TTC28: variants seen among roughly 807,000 people sequenced by gnomAD.
The protein encoded by TTC28 is tetratricopeptide repeat protein 28.
A neutral mutation model predicts 198.0 loss-of-function variants in TTC28; 61 were observed. The observed-to-expected ratio is 0.31, with a 90% confidence interval of 0.25 to 0.38. The LOEUF is 0.38. Ranked by LOEUF, TTC28 falls within the 10% of genes least tolerant of loss-of-function variation. The pLI, the probability that TTC28 is intolerant of heterozygous loss-of-function variation, is 1.00. For synonymous variants in TTC28, 1,171 were observed against 1,297.8 expected, an observed-to-expected ratio of 0.90 and a Z score of 2.10; for missense variants, 2,678 against 3,164.0, an observed-to-expected ratio of 0.85 and a Z score of 3.69.
In TTC28 at chr22:28,629,682, G is replaced by A. The variant is rs780802842; in HGVS notation, c.251C>T (p.Ala84Val). The A allele has an allele frequency of 2.6e-5, 40 of 1,551,476 alleles. No homozygotes were observed. The highest frequency in any genetic ancestry group is 3.3e-5 in the Non-Finnish European group (38 of 1,146,980). The change falls in exon 2 of 23, where the codon GCC (alanine) becomes GTC (valine). Residue 84 changes from alanine (A) to valine (V), a missense_variant. Transcript: ENST00000397906. ...FHTAIVLYNE[A>V]LAVDPQNCIL... Reference sequence around the variant, plus strand: ...GCAGTTCTGAGGGTCAACAGCCAGGGCTTCATTATACAGAACAATAGCTGT... The same window carrying A: ...GCAGTTCTGAGGGTCAACAGCCAGGACTTCATTATACAGAACAATAGCTGT...
At chr22:28,229,170 C>A (rs1928607481) in intron 5 of TTC28, among the ~76,000 whole-genome samples, 1 of 151,926 alleles carries the variant, frequency 6.6e-6, no homozygotes, top group South Asian at 2.1e-4. Context: ...AACAAACAAA[C>A]AAAAAAACTA....
At chr22:28,511,095 T>C (rs1441225238) in intron 2 of TTC28, among the ~76,000 whole-genome samples, 2 of 152,176 alleles carry the variant, frequency 1.3e-5, no homozygotes, top group Non-Finnish European at 2.9e-5. Flanking sequence ...AAGTAATTTA[T>C]AGATTCAATG....
intron 2 of TTC28, among the ~76,000 whole-genome samples, chr22:28,580,486 C>T (rs1405666616): frequency 1.3e-5 from 2 of 152,186 alleles, no homozygotes; most frequent in Non-Finnish European, 2.9e-5. Flanking sequence ...GATCCACCTG[C>T]CTTGGCCTCC....
intron 2 of TTC28, among the ~76,000 whole-genome samples, chr22:28,390,052 T>C (rs79713675): frequency 0.55 from 82,563 of 149,018 alleles, 23,735 homozygotes; most frequent in African/African-American, 0.69. Flanking sequence ...GTCTTTGTTC[T>C]CGTTGGTTTC....
intron 2 of TTC28, among the ~76,000 whole-genome samples, chr22:28,559,527 C>T (rs2049837786): frequency 6.6e-6 from 1 of 152,176 alleles, no homozygotes. Context: ...GCCACCACCC[C>T]GGCCTAAGAC....
chr22:28,431,734 T>TC (rs1233026613), intron 2 of TTC28, among the ~76,000 whole-genome samples: 1 of 152,180 alleles, frequency 6.6e-6, no homozygotes, highest in Non-Finnish European at 1.5e-5. Context: ...TCCCAGCACT[T>TC]CGGGAGGCCA....
At position 28,306,647 on chromosome 22, in the gene TTC28, G is replaced by C; in HGVS notation, c.382-4C>G. 1 of 1,551,212 alleles carries C rather than the reference G, an allele frequency of 6.4e-7. No individual in the cohort carries two copies. The highest frequency in any genetic ancestry group is 8.7e-7 in the Non-Finnish European group (1 of 1,146,944). On this transcript the variant is annotated splice_region_variant and splice_polypyrimidine_tract_variant and intron_variant, in intron 2 of 22. Transcript: ENST00000397906. ...CAACACCCTGTCGGAAGTATGCCTA[G>C]AAATAAAAGATATATAAGATATATA... is the stretch of plus-strand genomic sequence containing the variant.
At chr22:28,455,843 A>G (rs1198571607) in intron 2 of TTC28, among the ~76,000 whole-genome samples, 1 of 152,072 alleles carries the variant, frequency 6.6e-6, no homozygotes, top group Non-Finnish European at 1.5e-5. Flanking sequence ...GATACAACTA[A>G]CTTTTTGCTA....
chr22:28,446,676 C>A (rs1201745828), intron 2 of TTC28, among the ~76,000 whole-genome samples: 1 of 152,190 alleles, frequency 6.6e-6, no homozygotes, highest in East Asian at 1.9e-4. Context: ...GATGTTGGTG[C>A]CATGCTTCCT....
At chr22:28,571,105 A>G (rs1253541346) in intron 2 of TTC28, among the ~76,000 whole-genome samples, 1 of 152,212 alleles carries the variant, frequency 6.6e-6, no homozygotes, top group Non-Finnish European at 1.5e-5. Context: ...TATGTCCTGA[A>G]TAGGTCAATG....
chr22:28,126,885 T>C (rs964115624), intron 6 of TTC28, among the ~76,000 whole-genome samples: 1 of 152,168 alleles, frequency 6.6e-6, no homozygotes, highest in Non-Finnish European at 1.5e-5. Context: ...GACAGCCTTA[T>C]CCACATGTCC....
intron 1 of TTC28, among the ~76,000 whole-genome samples, chr22:28,661,085 G>C (rs2051736832): frequency 6.6e-6 from 1 of 151,318 alleles, no homozygotes; most frequent in Non-Finnish European, 1.5e-5. Context: ...GGGAGTTCGA[G>C]ACCAGCCTGA....
chr22:28,430,195 C>CTA (rs1482803091), intron 2 of TTC28, among the ~76,000 whole-genome samples: 1 of 151,998 alleles, frequency 6.6e-6, no homozygotes, highest in Admixed American at 6.6e-5. Flanking sequence ...GATTCACACG[C>CTA]TATGAGTAGA....
intron 12 of TTC28, among the ~76,000 whole-genome samples, chr22:28,037,866 C>A (rs1269312932): frequency 2.0e-5 from 3 of 152,176 alleles, no homozygotes; most frequent in Admixed American, 1.3e-4. Flanking sequence ...CCTTCCTATA[C>A]ACCAAAAACA....
At chr22:28,326,328 G>C (rs1046333598) in intron 2 of TTC28, among the ~76,000 whole-genome samples, 1 of 152,092 alleles carries the variant, frequency 6.6e-6, no homozygotes, top group African/African-American at 2.4e-5. Context: ...AGAAGTGATA[G>C]AACTGTTCTG....
At chr22:28,212,374 C>T (rs565774494) in intron 5 of TTC28, among the ~76,000 whole-genome samples, 26 of 148,344 alleles carry the variant, frequency 1.8e-4, no homozygotes, top group South Asian at 9.0e-4. Flanking sequence ...ATTGAGAGAC[C>T]GCTAGCAAGA....
intron 5 of TTC28, among the ~76,000 whole-genome samples, chr22:28,281,410 A>G (rs1180615025): frequency 1.3e-5 from 2 of 152,010 alleles, no homozygotes; most frequent in African/African-American, 4.8e-5. Context: ...ATTTGATTTT[A>G]AATATTATAT....
intron 5 of TTC28, among the ~76,000 whole-genome samples, chr22:28,287,418 T>C (rs981398252): frequency 1.3e-5 from 2 of 152,156 alleles, no homozygotes; most frequent in African/African-American, 2.4e-5. Context: ...CTCTAACTAA[T>C]AAACAAAAGT....
intron 12 of TTC28, among the ~76,000 whole-genome samples, chr22:28,073,808 C>T (rs1289253479): frequency 1.3e-5 from 2 of 152,180 alleles, no homozygotes; most frequent in Non-Finnish European, 2.9e-5. Flanking sequence ...CTTTTACCAT[C>T]TCGACTTGTG....
Sources: gnomAD v4.1 joint callset for allele counts (sites outside exome capture counted in the v4.1 genomes callset) on GRCh38, gnomAD v4.1.1 for gene constraint, MANE v1.5 for transcripts, NCBI Gene and HGNC (gene_info 2026-07-23, HGNC 2026-07-21) for gene names.